Variants in ITPR2 observed in about 807,000 individuals in gnomAD.
ITPR2 encodes inositol 1,4,5-trisphosphate receptor type 2.
A neutral mutation model predicts 317.1 loss-of-function variants in ITPR2; 207 were observed. The observed-to-expected ratio is 0.65, with a 90% CI of 0.58 to 0.73. The LOEUF (loss-of-function observed/expected upper bound fraction) is 0.73. Among genes scored for constraint, ITPR2 ranks in the 30% least tolerant of loss-of-function variants. ITPR2 has a pLI of 0.00. For synonymous variants in ITPR2, 1,156 were observed against 1,149.1 expected (o/e 1.01, Z -0.12); for missense variants, 2,613 against 3,284.0 (o/e 0.80, Z 4.99).
chr12:26,789,134 G>A (rs1423419596), intron 2 of ITPR2, among the ~76,000 whole-genome samples: 4 of 152,132 alleles, frequency 2.6e-5, no homozygotes, highest in East Asian at 1.9e-4. Context: ...CACATTCTGC[G>A]CAAATTTCTC....
At chr12:26,752,209 A>T (rs558484499) in intron 2 of ITPR2, among the ~76,000 whole-genome samples, 8 of 152,282 alleles carry the variant, frequency 5.3e-5, no homozygotes, top group Non-Finnish European at 1.2e-4. Flanking sequence ...TCAGATAATG[A>T]CTATACACAC....
chr12:26,605,102 T>TA (rs71870137), intron 26 of ITPR2, among the ~76,000 whole-genome samples: 5 of 101,498 alleles, frequency 4.9e-5, no homozygotes, highest in African/African-American at 1.5e-4. Flanking sequence ...AAAAAAAAAA[T>TA]AAAAATAAAA....
intron 45 of ITPR2, among the ~76,000 whole-genome samples, chr12:26,448,597 C>T (rs1241175699): frequency 6.6e-6 from 1 of 152,080 alleles, no homozygotes; most frequent in Non-Finnish European, 1.5e-5. Context: ...CATAACAATG[C>T]AATGAATACA....
rs1398233914 is a variant in ITPR2 at position 26,342,498 on chromosome 12, G to A, written c.7858-2170C>T. Among the ~76,000 whole-genome samples the A allele has an allele frequency of 5.6e-3, 56 of 10,058 alleles. 3 individuals carry two copies. Among genetic ancestry groups the A allele is most frequent in the African/African-American group, 0.013 (51 of 3,870 alleles). The allele number at this position is 10,058 out of a possible 152,430, so 6.6% of individuals were successfully genotyped here. The stretch of plus-strand genomic sequence containing the variant: ...TGGGAGGTGTTTGGGTCACGGCGGT[G>A]GGGGGGGGGGGGGGGCGGGGGTCAG... On this transcript the variant is annotated intron_variant, in intron 55 of 56. Coordinates refer to ENST00000381340, the MANE Select transcript of ITPR2 (RefSeq NM_002223.4).
intron 3 of ITPR2, 100 bp from the exon 4 acceptor site, chr12:26,724,842 T>C: frequency 1.5e-6 from 1 of 686,400 alleles, no homozygotes; most frequent in Non-Finnish European, 2.5e-6. Flanking sequence ...TAGCCAGGAA[T>C]AAAATAGGCT....
At chr12:26,355,121 A>G (rs1386004800) in intron 55 of ITPR2, among the ~76,000 whole-genome samples, 1 of 152,230 alleles carries the variant, frequency 6.6e-6, no homozygotes, top group Non-Finnish European at 1.5e-5. Flanking sequence ...GTTGTGATGC[A>G]TGCTAAAGTT....
chr12:26,443,425 A>C (rs1941534824), intron 46 of ITPR2, 118 bp downstream of exon 46: 1 of 621,460 alleles, frequency 1.6e-6, no homozygotes, highest in African/African-American at 1.9e-5. Flanking sequence ...TACATTTTTC[A>C]GTTTAAACCA....
At chr12:26,353,295 G>T (rs1405417589) in intron 55 of ITPR2, among the ~76,000 whole-genome samples, 1 of 152,204 alleles carries the variant, frequency 6.6e-6, no homozygotes, top group Non-Finnish European at 1.5e-5. Context: ...TCATGATAAT[G>T]AAAAGCCTGT....
intron 32 of ITPR2, among the ~76,000 whole-genome samples, chr12:26,585,236 T>C (rs1396404861): frequency 6.6e-6 from 1 of 152,200 alleles, no homozygotes; most frequent in East Asian, 1.9e-4. Flanking sequence ...GAAACCATTC[T>C]AGATTATGTG....
chr12:26,356,245 C>T (rs898583610), intron 55 of ITPR2, among the ~76,000 whole-genome samples: 2 of 152,150 alleles, frequency 1.3e-5, no homozygotes, highest in African/African-American at 4.8e-5. Flanking sequence ...TAGATGGGTC[C>T]CAGACCACGT....
intron 2 of ITPR2, among the ~76,000 whole-genome samples, chr12:26,765,055 G>A (rs1168812557): frequency 1.3e-5 from 2 of 152,046 alleles, no homozygotes; most frequent in Non-Finnish European, 2.9e-5. Context: ...TAAATCTGTT[G>A]TCAGACAACA....
At chr12:26,677,962 C>A (rs938871361) in intron 13 of ITPR2, among the ~76,000 whole-genome samples, 5 of 152,108 alleles carry the variant, frequency 3.3e-5, no homozygotes, top group Admixed American at 2.0e-4. Flanking sequence ...GAGAACCATC[C>A]CTCGAGAGGG....
chr12:26,368,762 G>A (rs1939094832), intron 55 of ITPR2, among the ~76,000 whole-genome samples: 1 of 152,136 alleles, frequency 6.6e-6, no homozygotes, highest in Non-Finnish European at 1.5e-5. Context: ...CGCCCACTAT[G>A]TGCCAGCCAC....
At chr12:26,384,100 C>T (rs536965872) in intron 55 of ITPR2, among the ~76,000 whole-genome samples, 3 of 152,252 alleles carry the variant, frequency 2.0e-5, no homozygotes, top group African/African-American at 7.2e-5. Flanking sequence ...AGATTTCCTA[C>T]CAAAGTTTGA....
intron 10 of ITPR2, among the ~76,000 whole-genome samples, chr12:26,687,515 G>T (rs1948150969): frequency 6.6e-6 from 1 of 152,180 alleles, no homozygotes; most frequent in Non-Finnish European, 1.5e-5. Context: ...AAAGGCAAAT[G>T]CAAGCAGCCT....
chr12:26,449,457 G>A (rs1460620035), intron 45 of ITPR2, among the ~76,000 whole-genome samples: 3 of 152,164 alleles, frequency 2.0e-5, no homozygotes, highest in Non-Finnish European at 4.4e-5. Context: ...TAGCTACTGT[G>A]GGATGATAGA....
intron 36 of ITPR2, among the ~76,000 whole-genome samples, chr12:26,554,861 G>A (rs1591893349): frequency 6.6e-6 from 1 of 152,012 alleles, no homozygotes; most frequent in Non-Finnish European, 1.5e-5. Context: ...CAGTGGTGAA[G>A]TCTGGGCTTT....
chr12:26,422,263 A>C lies in ITPR2; in HGVS notation c.6946-3050T>G, dbSNP rs984883243. On this transcript the variant is annotated intron_variant, in intron 49 of 56. Coordinates refer to ENST00000381340, the MANE Select transcript of ITPR2 (RefSeq NM_002223.4). ...GAAAATACTACTTAATTATTTAACC[A>C]ATAATTATTATTGAATTATTGAATA... is the stretch of plus-strand genomic sequence containing the variant. 3.3e-5 allele frequency among the ~76,000 whole-genome samples: 5 copies of C among 150,614 alleles called. No homozygotes were observed. The South Asian group carries it at 1.0e-3, about 31-fold the overall frequency.
At position 26,768,571 on chromosome 12, in the gene ITPR2, T is replaced by TAAAAAA. The variant is rs879291062; in HGVS notation, c.163+21580_163+21585dup. On this transcript the variant is annotated intron_variant, in intron 2 of 56. Coordinates refer to ENST00000381340, the MANE Select transcript of ITPR2 (RefSeq NM_002223.4). ...TCAAATGGATGAATACAAATATATA[T>TAAAAAA]AAAAAAAAAAAAAAAAAAAAAAAAA... Among the ~76,000 whole-genome samples the TAAAAAA allele has an allele frequency of 6.2e-4, 60 of 96,142 alleles. 5 individuals carry two copies. The highest frequency in any genetic ancestry group is 3.1e-3 in the African/African-American group (51 of 16,678). The allele number at this position is 96,142 out of a possible 152,430, so 63.1% of individuals were successfully genotyped here. A position where few individuals can be genotyped will look rare whatever the true frequency, so the allele number is the denominator to read the frequency against.
Sources: allele counts gnomAD v4.1 joint callset (sites outside exome capture counted in the v4.1 genomes callset), GRCh38; gene constraint gnomAD v4.1.1; transcripts MANE v1.5; gene names NCBI Gene and HGNC (gene_info 2026-07-23, HGNC 2026-07-21).